Variants in LRIF1 observed in about 807,000 individuals in gnomAD.
LRIF1 encodes ligand dependent nuclear receptor interacting factor 1.
Under a neutral mutation model 52.7 loss-of-function variants are expected in LRIF1, and 32 were observed. The ratio of observed to expected loss-of-function variants is 0.61; its 90% CI spans 0.46 to 0.82. The LOEUF is 0.82. LRIF1 is among the 40% of genes least tolerant of loss of function. The pLI is 0.00. For synonymous variants in LRIF1, 323 were observed against 317.4 expected, an observed-to-expected ratio of 1.02 and a Z score of -0.19; for missense variants, 887 against 892.0, an observed-to-expected ratio of 0.99 and a Z score of 0.07.
At chr1:110,942,572 T>A (rs79000314), downstream of LRIF1, among the ~76,000 whole-genome samples, 85 of 152,220 alleles carry the variant, frequency 5.6e-4, 2 homozygotes, top group East Asian at 0.016. Context: ...TAATGCAAGC[T>A]AATCACAGTA....
the LRIF1 span, among the ~76,000 whole-genome samples, chr1:110,917,684 T>A: frequency 3.3e-5 from 5 of 149,650 alleles, 1 homozygote; most frequent in Admixed American, 3.4e-4. Flanking sequence ...CATAAAAAAA[T>A]AGCTGTAGTA....
the LRIF1 span, among the ~76,000 whole-genome samples, chr1:110,884,582 C>T: frequency 6.6e-6 from 1 of 152,108 alleles, no homozygotes; most frequent in African/African-American, 2.4e-5. Flanking sequence ...ATAACTTATA[C>T]TTGTCTATAT....
chr1:110,940,664 C>A, the LRIF1 span: 4 of 152,164 alleles, frequency 2.6e-5, no homozygotes, highest in South Asian at 2.1e-4. Flanking sequence ...AAGAATGACA[C>A]CCTGTCATTT....
chr1:110,877,165 C>G, the LRIF1 span, among the ~76,000 whole-genome samples: 8 of 152,176 alleles, frequency 5.3e-5, no homozygotes, highest in Non-Finnish European at 1.2e-4. Context: ...TGGAACACTT[C>G]CTGAATTTTT....
chr1:110,955,283 T>C (rs1320923819), intron 1 of LRIF1, among the ~76,000 whole-genome samples: 1 of 152,222 alleles, frequency 6.6e-6, no homozygotes, highest in Non-Finnish European at 1.5e-5. Context: ...TCTCCTAAAT[T>C]TCCTTTCATC....
chr1:110,876,708 G>A, the LRIF1 span, among the ~76,000 whole-genome samples: 20 of 151,932 alleles, frequency 1.3e-4, no homozygotes, highest in Non-Finnish European at 2.2e-4. Flanking sequence ...TTATAACATA[G>A]AAGACAAATT....
chr1:110,917,411 A>G, the LRIF1 span, among the ~76,000 whole-genome samples: 7 of 152,210 alleles, frequency 4.6e-5, no homozygotes, highest in African/African-American at 1.4e-4. Context: ...AGTAAAATTT[A>G]TGTAACAAGT....
At chr1:110,913,467 A>G in the LRIF1 span, among the ~76,000 whole-genome samples, 1 of 152,190 alleles carries the variant, frequency 6.6e-6, no homozygotes, top group Admixed American at 6.5e-5. Context: ...GGAGAAAACA[A>G]CCCCATTAAA....
the LRIF1 span, among the ~76,000 whole-genome samples, chr1:110,924,955 G>A: frequency 6.6e-6 from 1 of 152,124 alleles, no homozygotes; most frequent in African/African-American, 2.4e-5. Flanking sequence ...CTCAACAGAT[G>A]TCCAGAAAGT....
chr1:110,915,692 T>TG, the LRIF1 span, among the ~76,000 whole-genome samples: 1 of 152,174 alleles, frequency 6.6e-6, no homozygotes, highest in Non-Finnish European at 1.5e-5. Context: ...ACTCTTGGGA[T>TG]GCCAGTAATG....
At chr1:110,888,115 G>A in the LRIF1 span, among the ~76,000 whole-genome samples, 221 of 152,302 alleles carry the variant, frequency 1.5e-3, 1 homozygote, top group Admixed American at 2.7e-3. Context: ...CAAACACAAG[G>A]AAACAAATTC....
rs10494125 is a variant in LRIF1 at position 110,959,064 on chromosome 1, C to A, written c.68+4557G>T. Reference sequence around the variant, plus strand: ...CTGTTTTCTGAAAGATCATATTCTGCGGGCTAATGTCAGAACTAAAACTAG... The same window carrying A: ...CTGTTTTCTGAAAGATCATATTCTGAGGGCTAATGTCAGAACTAAAACTAG... On this transcript the variant is annotated intron_variant, in intron 1 of 3. Transcript: ENST00000369763. 0.013 allele frequency among the ~76,000 whole-genome samples: 1,932 copies of A among 152,190 alleles called. 125 individuals are homozygous for A. In the East Asian group the frequency reaches 0.19, roughly 15 times the overall value.
At chr1:110,950,834 A>G (rs150229993) in intron 2 of LRIF1, among the ~76,000 whole-genome samples, 1 of 151,980 alleles carries the variant, frequency 6.6e-6, no homozygotes, top group South Asian at 2.1e-4. Context: ...TACCACCACC[A>G]CCACCACAAA....
At chr1:110,884,752 A>T in the LRIF1 span, among the ~76,000 whole-genome samples, 3 of 152,100 alleles carry the variant, frequency 2.0e-5, no homozygotes, top group African/African-American at 7.2e-5. Flanking sequence ...TCTAATATAG[A>T]CACTCCAGCC....
the LRIF1 span, among the ~76,000 whole-genome samples, chr1:110,919,954 C>T: frequency 6.6e-6 from 1 of 152,172 alleles, no homozygotes; most frequent in African/African-American, 2.4e-5. Flanking sequence ...AAAAGATGTT[C>T]AACATCATAT....
At chr1:110,923,766 A>G in the LRIF1 span, among the ~76,000 whole-genome samples, 1 of 152,198 alleles carries the variant, frequency 6.6e-6, no homozygotes, top group Non-Finnish European at 1.5e-5. Context: ...TTTGTTTTCT[A>G]AATTCATATA....
the LRIF1 span, chr1:110,897,715 A>G: frequency 4.1e-6 from 3 of 724,958 alleles, no homozygotes; most frequent in Non-Finnish European, 7.2e-6. Context: ...TGTATTACAT[A>G]AAGCAAAATG....
the LRIF1 span, among the ~76,000 whole-genome samples, chr1:110,895,627 C>T: frequency 3.2e-4 from 48 of 152,276 alleles, no homozygotes; most frequent in Middle Eastern, 3.4e-3. Flanking sequence ...GAAGAAATGG[C>T]ACAGGAATTA....
intron 2 of LRIF1, among the ~76,000 whole-genome samples, chr1:110,950,824 TACCACC>T (rs901957960): frequency 6.6e-6 from 1 of 151,850 alleles, no homozygotes; most frequent in African/African-American, 2.4e-5. Flanking sequence ...TTCCATGGTA[TACCACC>T]ACCACCACCA....
Sources: allele counts gnomAD v4.1 joint callset (sites outside exome capture counted in the v4.1 genomes callset), GRCh38; gene constraint gnomAD v4.1.1; transcripts MANE v1.5; gene names NCBI Gene and HGNC (gene_info 2026-07-23, HGNC 2026-07-21).